The following POFUT3 variants were observed in gnomAD, a reference collection of about 807,000 sequenced individuals.
POFUT3 encodes GDP-fucose protein O-fucosyltransferase 3.
chr8:33,332,183 A>G, the POFUT3 span, among the ~76,000 whole-genome samples: 12 of 133,140 alleles, frequency 9.0e-5, no homozygotes, highest in South Asian at 5.0e-4. Context: ...GAGGAGGAGG[A>G]AAAAAAAAAA....
chr8:33,443,049 G>T, the POFUT3 span, among the ~76,000 whole-genome samples: 24 of 152,094 alleles, frequency 1.6e-4, no homozygotes, highest in Admixed American at 1.6e-3. Context: ...AGAGGCAGAA[G>T]GTGCAGTGAG....
the POFUT3 span, among the ~76,000 whole-genome samples, chr8:33,332,905 C>G: frequency 6.6e-6 from 1 of 152,192 alleles, no homozygotes; most frequent in South Asian, 2.1e-4. Context: ...CTTCCCTATT[C>G]CATCCACAAT....
chr8:33,365,679 A>G, the POFUT3 span, among the ~76,000 whole-genome samples: 68 of 152,390 alleles, frequency 4.5e-4, no homozygotes, highest in Admixed American at 4.0e-3. Context: ...TGGTCATCAG[A>G]GAAATGCAAA....
the POFUT3 span, among the ~76,000 whole-genome samples, chr8:33,383,903 C>A: frequency 4.0e-5 from 6 of 151,566 alleles, no homozygotes; most frequent in Admixed American, 2.0e-4. Flanking sequence ...TTTTCCCCAT[C>A]ATAATCCCCA....
At chr8:33,324,687 A>G in the POFUT3 span, among the ~76,000 whole-genome samples, 1 of 152,024 alleles carries the variant, frequency 6.6e-6, no homozygotes, top group Non-Finnish European at 1.5e-5. Flanking sequence ...TGCATAACAA[A>G]TGTTGGCTAT....
the POFUT3 span, among the ~76,000 whole-genome samples, chr8:33,414,393 C>A: frequency 6.6e-6 from 1 of 152,114 alleles, no homozygotes; most frequent in African/African-American, 2.4e-5. Context: ...CATTTACTAC[C>A]CCTCTAAAAA....
chr8:33,361,773 T>C, the POFUT3 span, among the ~76,000 whole-genome samples: 1 of 152,218 alleles, frequency 6.6e-6, no homozygotes, highest in African/African-American at 2.4e-5. Context: ...CATAATTTCC[T>C]TGATAGGTTT....
the POFUT3 span, among the ~76,000 whole-genome samples, chr8:33,320,568 G>A: frequency 6.6e-6 from 1 of 152,002 alleles, no homozygotes; most frequent in Non-Finnish European, 1.5e-5. Context: ...TAGATCTGGG[G>A]TTACTTCAGC....
chr8:33,322,054 A>G, the POFUT3 span, among the ~76,000 whole-genome samples: 2 of 152,152 alleles, frequency 1.3e-5, no homozygotes, highest in Admixed American at 6.6e-5. Flanking sequence ...ACAAATACTT[A>G]ACGGAATAAA....
At chr8:33,440,404 C>G in the POFUT3 span, among the ~76,000 whole-genome samples, 1 of 152,056 alleles carries the variant, frequency 6.6e-6, no homozygotes, top group African/African-American at 2.4e-5. Flanking sequence ...AATGCTCATC[C>G]CTGTCTGGTG....
chr8:33,389,592 G>A, the POFUT3 span: 3 of 1,614,210 alleles, frequency 1.9e-6, no homozygotes, highest in Middle Eastern at 1.6e-4. Context: ...AGGTATCGGA[G>A]TGACTTCAGG....
At chr8:33,404,144 T>G in the POFUT3 span, among the ~76,000 whole-genome samples, 1 of 152,028 alleles carries the variant, frequency 6.6e-6, no homozygotes, top group Admixed American at 6.6e-5. Context: ...TTGAGACCAG[T>G]CTGGCCAACA....
the POFUT3 span, chr8:33,371,053 C>T: frequency 1.3e-4 from 20 of 151,976 alleles, no homozygotes; most frequent in Admixed American, 1.2e-3. Flanking sequence ...AATTAAATTT[C>T]TTAAATGTTG....
the POFUT3 span, chr8:33,389,476 C>T: frequency 6.2e-7 from 1 of 1,614,220 alleles, no homozygotes. Flanking sequence ...AAGTCATCAG[C>T]TCGCGAACAT....
the POFUT3 span, among the ~76,000 whole-genome samples, chr8:33,320,344 C>T: frequency 6.6e-6 from 1 of 151,936 alleles, no homozygotes; most frequent in East Asian, 1.9e-4. Flanking sequence ...TGCAACTAGC[C>T]TAAGAGAGTT....
the POFUT3 span, among the ~76,000 whole-genome samples, chr8:33,380,052 C>G: frequency 1.5e-3 from 98 of 63,888 alleles, 4 homozygotes; most frequent in African/African-American, 5.8e-3. Flanking sequence ...TATATATACA[C>G]TATATATATA....
At chr8:33,320,596 G>C in the POFUT3 span, among the ~76,000 whole-genome samples, 1 of 151,974 alleles carries the variant, frequency 6.6e-6, no homozygotes, top group Non-Finnish European at 1.5e-5. Flanking sequence ...GGTAGTTTTC[G>C]GTTGAGATCT....
chr8:33,466,730 G>A, the POFUT3 span, among the ~76,000 whole-genome samples: 1 of 152,106 alleles, frequency 6.6e-6, no homozygotes, highest in Admixed American at 6.6e-5. Flanking sequence ...GCACTATGAA[G>A]GACAGCAGGC....
chr8:33,310,147 C>T, the POFUT3 span, among the ~76,000 whole-genome samples: 1 of 152,146 alleles, frequency 6.6e-6, no homozygotes, highest in African/African-American at 2.4e-5. Context: ...CTTTGACAAA[C>T]AGAATCATAG....
Sources: allele counts gnomAD v4.1 joint callset (sites outside exome capture counted in the v4.1 genomes callset), GRCh38; gene constraint gnomAD v4.1.1; transcripts MANE v1.5; gene names NCBI Gene and HGNC (gene_info 2026-07-23, HGNC 2026-07-21).